The following KAZN variants were observed in gnomAD, a reference collection of about 807,000 sequenced individuals.
KAZN encodes the protein kazrin, periplakin interacting protein, also known as kazrin.
In KAZN, 40 loss-of-function variants were observed where a neutral mutation model predicts 87.4. That is an observed-to-expected ratio of 0.46 (90% CI 0.36 to 0.60). The LOEUF (loss-of-function observed/expected upper bound fraction) is 0.60, where lower values mean the gene tolerates loss of function less well. Ranked by LOEUF, KAZN falls within the 20% of genes least tolerant of loss-of-function variation. The probability of loss-of-function intolerance (pLI) is 0.00; values close to 1 mark genes in which losing one functional copy is unlikely to be tolerated. For missense variants in KAZN, 898 were observed against 1,073.9 expected, an observed-to-expected ratio of 0.84 and a Z score of 2.29; for synonymous variants, 466 against 458.3, an observed-to-expected ratio of 1.02 and a Z score of -0.22.
chr1:14,409,989 ACAAT>A (rs755734277), intron 2 of KAZN, among the ~76,000 whole-genome samples: 9 of 152,350 alleles, frequency 5.9e-5, no homozygotes, highest in South Asian at 4.1e-4. Flanking sequence ...ATATGAAAAA[ACAAT>A]CAGCTGGAAG....
At chr1:14,412,568 A>G (rs1373791234) in intron 2 of KAZN, among the ~76,000 whole-genome samples, 1 of 152,180 alleles carries the variant, frequency 6.6e-6, no homozygotes, top group African/African-American at 2.4e-5. Context: ...CTAGGAATAA[A>G]CTTTTATGGA....
chr1:13,932,512 G>A (rs12071730), intron 1 of KAZN, among the ~76,000 whole-genome samples: 14,582 of 151,722 alleles, frequency 0.096, 778 homozygotes, highest in Middle Eastern at 0.13. Context: ...CGCCCGCCTC[G>A]GCCTCCCAAA....
rs151300026 is a variant in KAZN, at chr1:14,966,916, G to A, written c.418+6041G>A. Reference sequence around the variant, plus strand: ...AACCCCTGACCTCAGGTGATCACCCGACTCAGCCTCCCAAAGTGCTGGGAT... The same window carrying A: ...AACCCCTGACCTCAGGTGATCACCCAACTCAGCCTCCCAAAGTGCTGGGAT... On this transcript the variant is annotated intron_variant, in intron 2 of 14. Transcript: ENST00000376030. 1.3e-3 allele frequency among the ~76,000 whole-genome samples: 194 copies of A among 152,242 alleles called. 1 individual carries two copies. Among genetic ancestry groups the A allele is most frequent in the Non-Finnish European group, 9.4e-4 (64 of 68,000 alleles).
chr1:14,598,378 C>A (rs1676647727), upstream of KAZN, among the ~76,000 whole-genome samples: 1 of 152,296 alleles, frequency 6.6e-6, no homozygotes, highest in Admixed American at 6.5e-5. The surrounding 1 kb of genome is among the most constrained non-coding windows in gnomAD (Gnocchi z 4.2). Context: ...CTCTTCCGAG[C>A]ACCCAGCACC....
chr1:14,147,692 A>T (rs1315019504), intron 1 of KAZN, among the ~76,000 whole-genome samples: 2 of 151,850 alleles, frequency 1.3e-5, no homozygotes, highest in Non-Finnish European at 2.9e-5. Flanking sequence ...GCTACTCGGC[A>T]GGCTGAGGCA....
intron 1 of KAZN, among the ~76,000 whole-genome samples, chr1:14,090,677 T>A (rs569882745): frequency 6.6e-6 from 1 of 152,344 alleles, no homozygotes; most frequent in African/African-American, 2.4e-5. Flanking sequence ...CAATACCATG[T>A]GTTTCTACAC....
intron 1 of KAZN, among the ~76,000 whole-genome samples, chr1:14,751,941 A>C (rs1354227919): frequency 6.6e-6 from 1 of 152,198 alleles, no homozygotes; most frequent in Non-Finnish European, 1.5e-5. Context: ...TAAGAAGAAA[A>C]AAAGTTTTAT....
At chr1:14,874,307 T>C (rs1275468636) in intron 1 of KAZN, among the ~76,000 whole-genome samples, 2 of 152,030 alleles carry the variant, frequency 1.3e-5, no homozygotes. Flanking sequence ...AAGAAACCAG[T>C]AGAGAAGTGA....
At chr1:13,942,823 T>C (rs185768291) in intron 1 of KAZN, among the ~76,000 whole-genome samples, 56 of 152,272 alleles carry the variant, frequency 3.7e-4, no homozygotes, top group Admixed American at 1.3e-4. Flanking sequence ...ATAACAACTC[T>C]AGAACTGAGA....
intron 1 of KAZN, among the ~76,000 whole-genome samples, chr1:14,156,636 C>A (rs1174764783): frequency 6.6e-6 from 1 of 152,124 alleles, no homozygotes; most frequent in South Asian, 2.1e-4. Flanking sequence ...TCTATTTTGT[C>A]TGATATGAGT....
At chr1:14,294,082 G>A (rs1289888454) in intron 2 of KAZN, among the ~76,000 whole-genome samples, 2 of 152,146 alleles carry the variant, frequency 1.3e-5, no homozygotes, top group African/African-American at 2.4e-5. Context: ...TTACAGATGA[G>A]ATAACCAAAG....
intron 2 of KAZN, among the ~76,000 whole-genome samples, chr1:14,510,917 T>C (rs1356694184): frequency 1.3e-5 from 2 of 152,168 alleles, no homozygotes; most frequent in African/African-American, 4.8e-5. Flanking sequence ...TCTCATCTGC[T>C]TTTTATGCCT....
chr1:14,822,353 G>GGGGGAGAAAGT (rs113215943), intron 1 of KAZN, among the ~76,000 whole-genome samples: 2 of 151,608 alleles, frequency 1.3e-5, no homozygotes, highest in African/African-American at 4.8e-5. Context: ...ACAAAAGCAG[G>GGGGGAGAAAGT]AGGGAGAAAA....
upstream of KAZN, among the ~76,000 whole-genome samples, chr1:14,597,451 T>C (rs1379348224): frequency 6.6e-6 from 1 of 152,218 alleles, no homozygotes. Flanking sequence ...AGTCCCGCTG[T>C]CACCTGGTTT....
intron 1 of KAZN, among the ~76,000 whole-genome samples, chr1:14,164,534 CTTTTTTTTTTTTT>C (rs1168650321): frequency 1.1e-5 from 1 of 93,760 alleles, no homozygotes; most frequent in African/African-American, 4.3e-5. Flanking sequence ...TGAGTTTCCT[CTTTTTTTTTTTTT>C]TTTTTTTTTT....
chr1:14,390,665 TAAAC>T (rs891179679), intron 2 of KAZN: 1 of 152,480 alleles, frequency 6.6e-6, no homozygotes, highest in African/African-American at 2.4e-5. Flanking sequence ...TGATTTTTAA[TAAAC>T]AAATTTATTG....
rs772833272 is a variant in KAZN at position 15,044,061 on chromosome 1, C to T, written c.628C>T (p.Arg210Cys). The T allele has an allele frequency of 2.1e-5, 34 of 1,612,724 alleles. No individual in the cohort carries two copies. Among genetic ancestry groups the T allele is most frequent in the South Asian group, 8.8e-5 (8 of 90,978 alleles). Residue 210 changes from arginine (R) to cysteine (C), a missense_variant, in exon 4 of 15, where the codon CGC becomes TGC. Physicochemically the swap from Arg to Cys is radical, Grantham distance 180. Around this residue, in one of 3 missense-constraint regions of KAZN, gnomAD observed 521 missense variants for 689.4 expected, o/e 0.76. Transcript: ENST00000376030. ...GGAGCGTGAGAAGTGGGAGCTGCGG[C>T]GCCAAGCCAAGGAGGCCACAGACCA... ...LLEREKWELRRQAKEATDHAT... is the reference protein window; with the variant it reads ...LLEREKWELRCQAKEATDHAT...
chr1:14,647,838 A>C (rs903949999), intron 1 of KAZN, among the ~76,000 whole-genome samples: 2 of 152,098 alleles, frequency 1.3e-5, no homozygotes, highest in Non-Finnish European at 2.9e-5. Context: ...TAACCCCCTA[A>C]AGGTCAACTC....
chr1:14,108,091 C>T (rs553360852), intron 1 of KAZN, among the ~76,000 whole-genome samples: 3 of 152,230 alleles, frequency 2.0e-5, no homozygotes, highest in South Asian at 4.2e-4. Context: ...TACTGGACCA[C>T]GAGATGCTCT....
Sources: gnomAD v4.1 joint callset for allele counts (sites outside exome capture counted in the v4.1 genomes callset) on GRCh38, gnomAD v4.1.1 for gene constraint, gnomAD v4.1.1 regional missense constraint, Gnocchi (gnomAD v3.1) non-coding constraint, MANE v1.5 for transcripts, NCBI Gene and HGNC (gene_info 2026-07-23, HGNC 2026-07-21) for gene names.